The following CDH18 variants were observed in gnomAD, a reference collection of about 807,000 sequenced individuals.
The protein encoded by CDH18 is cadherin-18.
In CDH18, 31 loss-of-function variants were observed where a neutral mutation model predicts 67.9. The observed-to-expected ratio is 0.46, with a 90% CI of 0.34 to 0.62. CDH18 has a LOEUF of 0.62. Among genes scored for constraint, CDH18 ranks in the 20% least tolerant of loss-of-function variants. CDH18 has a pLI of 0.01. For synonymous variants in CDH18, 362 were observed against 347.2 expected (o/e 1.04, Z -0.48); for missense variants, 890 against 975.5 (o/e 0.91, Z 1.17).
intron 5 of CDH18, among the ~76,000 whole-genome samples, chr5:19,648,942 A>T (rs1186181914): frequency 1.3e-5 from 2 of 152,030 alleles, no homozygotes; most frequent in Non-Finnish European, 2.9e-5. Context: ...GATAGGCTCC[A>T]TATTTCCCTT....
intron 2 of CDH18, among the ~76,000 whole-genome samples, chr5:20,229,705 T>C (rs930224750): frequency 6.6e-6 from 1 of 151,758 alleles, no homozygotes; most frequent in Non-Finnish European, 1.5e-5. Flanking sequence ...ATTCCATATA[T>C]TTTTTTTAAT....
chr5:19,642,856 T>C (rs1000499080), intron 5 of CDH18, among the ~76,000 whole-genome samples: 1 of 151,560 alleles, frequency 6.6e-6, no homozygotes, highest in Admixed American at 6.6e-5. Context: ...TTGCTGCAAA[T>C]AAAACAATAA....
chr5:19,841,795 G>A (rs1035239589), intron 2 of CDH18, among the ~76,000 whole-genome samples: 1 of 152,048 alleles, frequency 6.6e-6, no homozygotes, highest in Non-Finnish European at 1.5e-5. Flanking sequence ...TAAAATGAGT[G>A]TTTTCTTTAC....
chr5:20,066,419 G>A (rs564706261), intron 2 of CDH18, among the ~76,000 whole-genome samples: 2 of 152,068 alleles, frequency 1.3e-5, no homozygotes, highest in South Asian at 2.1e-4. Context: ...TTTATTCAAG[G>A]TCGTATTATC....
intron 2 of CDH18, among the ~76,000 whole-genome samples, chr5:20,069,374 C>G (rs1331674049): frequency 6.6e-6 from 1 of 151,016 alleles, no homozygotes; most frequent in African/African-American, 2.4e-5. Context: ...TTTCTAGTCA[C>G]TCTCTACTGC....
chr5:20,240,572 G>A (rs1742820322), intron 2 of CDH18, among the ~76,000 whole-genome samples: 1 of 152,098 alleles, frequency 6.6e-6, no homozygotes. Flanking sequence ...TTGCAAGTAT[G>A]CAATAATATT....
chr5:20,359,887 A>T (rs1741949283), intron 1 of CDH18, among the ~76,000 whole-genome samples: 1 of 151,900 alleles, frequency 6.6e-6, no homozygotes, highest in African/African-American at 2.4e-5. Context: ...GAAAGTTATT[A>T]TTATTTATAA....
intron 2 of CDH18, among the ~76,000 whole-genome samples, chr5:19,952,213 C>A (rs1243420360): frequency 2.0e-4 from 31 of 152,090 alleles, no homozygotes; most frequent in Admixed American, 2.0e-3. Context: ...CCACACCTGG[C>A]TAATTTTTTG....
chr5:20,382,335 A>G lies in CDH18; in HGVS notation c.-579-126830T>C, dbSNP rs182275666. 3.0e-3 allele frequency among the ~76,000 whole-genome samples: 452 copies of G among 152,314 alleles called. 5 individuals are homozygous for G. Among genetic ancestry groups the G allele is most frequent in the African/African-American group, 0.01 (429 of 41,578 alleles). ...AAAAGATGAGGAGATCATGGAACAT[A>G]CCTATATAGGGGAGACTAGACATAG... On this transcript the variant is annotated intron_variant, in intron 1 of 14. Coordinates refer to the CDH18 transcript ENST00000507958.
intron 1 of CDH18, among the ~76,000 whole-genome samples, chr5:20,272,510 AC>A (rs1257096896): frequency 2.6e-5 from 4 of 151,918 alleles, no homozygotes; most frequent in Non-Finnish European, 5.9e-5. Flanking sequence ...TTAATGTAGA[AC>A]AATGGATGGA....
chr5:20,209,816 G>T (rs1451333870), intron 2 of CDH18, among the ~76,000 whole-genome samples: 1 of 138,668 alleles, frequency 7.2e-6, no homozygotes, highest in Non-Finnish European at 1.5e-5. Flanking sequence ...CAATTACCGT[G>T]ATTTGATATT....
At chr5:19,952,094 G>A (rs945307450) in intron 2 of CDH18, among the ~76,000 whole-genome samples, 2 of 151,734 alleles carry the variant, frequency 1.3e-5, no homozygotes, top group Non-Finnish European at 2.9e-5. Flanking sequence ...TGTCACCCAG[G>A]CTGGAGCGCA....
At chr5:20,369,856 C>A (rs935552971) in intron 1 of CDH18, among the ~76,000 whole-genome samples, 14 of 152,060 alleles carry the variant, frequency 9.2e-5, no homozygotes, top group Admixed American at 2.6e-4. Context: ...CATAAAATTT[C>A]CATTTTTTCC....
chr5:20,155,578 A>G (rs1459629002), intron 2 of CDH18, among the ~76,000 whole-genome samples: 1 of 152,060 alleles, frequency 6.6e-6, no homozygotes, highest in Non-Finnish European at 1.5e-5. Flanking sequence ...TGTAATTTAA[A>G]TAAGTCCTAT....
intron 7 of CDH18, among the ~76,000 whole-genome samples, chr5:19,588,943 A>G (rs1468417803): frequency 6.6e-6 from 1 of 152,058 alleles, no homozygotes; most frequent in East Asian, 1.9e-4. Context: ...CCACACAATA[A>G]TAGTGGGAGA....
In CDH18 at chr5:19,778,034, A is replaced by C. The variant is rs186738877; in HGVS notation, c.229-30798T>G. Among the ~76,000 whole-genome samples the C allele has an allele frequency of 3.8e-3, 582 of 152,280 alleles. 6 individuals are homozygous for C. Among genetic ancestry groups the C allele is most frequent in the African/African-American group, 0.013 (557 of 41,586 alleles). On this transcript the variant is annotated intron_variant, in intron 3 of 12. Coordinates refer to ENST00000382275, the MANE Select transcript of CDH18 (RefSeq NM_004934.5). ...AATCCCAAATTATTAAATTTTAATC[A>C]AGAAGAAAAAGATAACCTGAATAGC...
chr5:19,837,877 T>C (rs1334087776), intron 3 of CDH18, among the ~76,000 whole-genome samples: 1 of 152,110 alleles, frequency 6.6e-6, no homozygotes. Context: ...CTCCCATAGG[T>C]TTTGAACAAA....
At chr5:19,924,419 C>T (rs1241723144) in intron 2 of CDH18, among the ~76,000 whole-genome samples, 1 of 152,040 alleles carries the variant, frequency 6.6e-6, no homozygotes, top group African/African-American at 2.4e-5. Context: ...GGCAGATCAC[C>T]TGAGGTCAGG....
At chr5:19,805,674 G>A (rs1054632819) in intron 3 of CDH18, among the ~76,000 whole-genome samples, 7 of 152,028 alleles carry the variant, frequency 4.6e-5, no homozygotes, top group Non-Finnish European at 5.9e-5. Flanking sequence ...AATACAAGCC[G>A]GAGCCTGCCA....
Sources: allele counts gnomAD v4.1 joint callset (sites outside exome capture counted in the v4.1 genomes callset), GRCh38; gene constraint gnomAD v4.1.1; transcripts MANE v1.5; gene names NCBI Gene and HGNC (gene_info 2026-07-23, HGNC 2026-07-21).